Variants in CIBAR1 observed in about 807,000 individuals in gnomAD.
CIBAR1 encodes the protein CBY1-interacting BAR domain-containing protein 1.
A neutral mutation model predicts 44.0 loss-of-function variants in CIBAR1; 25 were observed. The ratio of observed to expected loss-of-function variants is 0.57; its 90% CI spans 0.41 to 0.79. The LOEUF is 0.79. Among genes scored for constraint, CIBAR1 ranks in the 30% least tolerant of loss-of-function variants. The probability of loss-of-function intolerance (pLI) is 0.00; values close to 1 mark genes in which losing one functional copy is unlikely to be tolerated. For synonymous variants in CIBAR1, 115 were observed against 119.0 expected, an observed-to-expected ratio of 0.97 and a Z score of 0.22; for missense variants, 278 against 344.8, an observed-to-expected ratio of 0.81 and a Z score of 1.53.
At chr8:93,707,396 A>T (rs1286146812) in intron 4 of CIBAR1, 1 of 206,466 alleles carries the variant, frequency 4.8e-6, no homozygotes, top group Non-Finnish European at 1.0e-5. Flanking sequence ...CTGTTTCCCC[A>T]TGCTTCCCTG....
intron 5 of CIBAR1, 171 bp from the exon 6 acceptor site, chr8:93,709,600 T>C: frequency 3.4e-6 from 2 of 596,098 alleles, no homozygotes. Context: ...TTCTTTATTC[T>C]GCATGTGCTT....
At chr8:93,707,422 C>T (rs1294443327) in intron 4 of CIBAR1, 7 of 209,592 alleles carry the variant, frequency 3.3e-5, no homozygotes, top group Non-Finnish European at 5.0e-5. Flanking sequence ...GCCAACTCTA[C>T]TTACTCTTCT....
In CIBAR1 at chr8:93,729,525, A is replaced by C. The variant is rs190729154; in HGVS notation, c.*1228A>C. On this transcript the variant is annotated 3_prime_UTR_variant, in exon 9 of 9. Transcript: ENST00000518322. ...TTGAGCATTATTTGCCTTGTTTGTA[A>C]AGTTAAAACTGCGTAAAACAGTAAT... is the stretch of plus-strand genomic sequence containing the variant. 1.8e-4 allele frequency: 27 copies of C among 152,300 alleles called. No individual in the cohort carries two copies. In the East Asian group the frequency reaches 5.2e-3, roughly 29 times the overall value. The allele number at this position is 152,300 out of a possible 1,614,324, so 9.4% of individuals were successfully genotyped here.
chr8:93,706,122 A>T (rs1281255795), intron 4 of CIBAR1: 2 of 152,200 alleles, frequency 1.3e-5, no homozygotes, highest in Non-Finnish European at 2.9e-5. Flanking sequence ...GAACACCTCC[A>T]TTCCTGAGGG....
chr8:93,731,155 G>A lies in CIBAR1; in HGVS notation c.*2858G>A, dbSNP rs1208869188. 1 of 152,144 alleles carries A rather than the reference G, an allele frequency of 6.6e-6. No individual in the cohort carries two copies. The highest frequency in any genetic ancestry group is 2.4e-5 in the African/African-American group (1 of 41,430). 9.4% of individuals were successfully genotyped at this position (152,144 alleles called of 1,614,324 possible). A position where few individuals can be genotyped will look rare whatever the true frequency, so the allele number is the denominator to read the frequency against. On this transcript the variant is annotated 3_prime_UTR_variant, in exon 9 of 9. Coordinates refer to ENST00000518322, the MANE Select transcript of CIBAR1 (RefSeq NM_145269.5). The stretch of plus-strand genomic sequence containing the variant: ...AGCCTGGCCAGCAGAACAAGACTCT[G>A]ACTCTTAAAATAATAAAACTACAAA...
At chr8:93,727,322 T>C (rs779449411) in intron 8 of CIBAR1, 9 of 585,174 alleles carry the variant, frequency 1.5e-5, no homozygotes, top group Non-Finnish European at 2.0e-5. Flanking sequence ...TATGTATCTC[T>C]CCCCCAACCC....
chr8:93,723,769 T>A (rs1314205972), intron 7 of CIBAR1, among the ~76,000 whole-genome samples: 2 of 152,062 alleles, frequency 1.3e-5, no homozygotes, highest in African/African-American at 4.8e-5. Context: ...TAGGTGCTAC[T>A]CAGACAACAG....
intron 7 of CIBAR1, among the ~76,000 whole-genome samples, chr8:93,725,151 T>A (rs1811428726): frequency 6.6e-6 from 1 of 152,082 alleles, no homozygotes; most frequent in South Asian, 2.1e-4. Context: ...CCTGGCTGAT[T>A]GTTTTTTTGT....
rs766225870 is a variant in CIBAR1, at chr8:93,701,308, T to C, written c.111T>C (p.Tyr37=). ...FGELCQIFAA[Y]VRKTARLRDK... is the part of the protein sequence containing the mutation. ...AACTGTGCCAAATCTTCGCTGCCTA[T>C]GTGCGGAAAACTGCCAGGCTGAGAG... Residue 37 remains tyrosine (Y), a synonymous_variant, in exon 2 of 9, where the codon TAT becomes TAC. Transcript: ENST00000518322. 5.6e-6 allele frequency: 9 copies of C among 1,613,892 alleles called. No homozygotes were observed. The East Asian group carries it at 6.7e-5, about 12-fold the overall frequency.
intron 6 of CIBAR1, among the ~76,000 whole-genome samples, chr8:93,710,410 G>A (rs920102341): frequency 6.6e-6 from 1 of 151,932 alleles, no homozygotes; most frequent in African/African-American, 2.4e-5. Context: ...CCAGAAGCCA[G>A]ATATTCAGCT....
Position 93,728,376 on chromosome 8 carries a change from A to G in CIBAR1, c.*79A>G. On this transcript the variant is annotated 3_prime_UTR_variant, in exon 9 of 9. Coordinates refer to ENST00000518322, the MANE Select transcript of CIBAR1 (RefSeq NM_145269.5). The stretch of plus-strand genomic sequence containing the variant: ...TGTAGAACTTTATACTCACTTTGCT[A>G]TGTTAAGCCTCAAAGTGAAGTCCAA... 2.2e-6 allele frequency: 2 copies of G among 919,986 alleles called. No homozygotes were observed. The highest frequency in any genetic ancestry group is 1.6e-6 in the Non-Finnish European group (1 of 621,762). 57.0% of individuals were successfully genotyped at this position (919,986 alleles called of 1,614,324 possible).
At chr8:93,727,774 T>A (rs1301304981) in intron 8 of CIBAR1, among the ~76,000 whole-genome samples, 4 of 152,180 alleles carry the variant, frequency 2.6e-5, no homozygotes, top group African/African-American at 9.6e-5. Context: ...ACTGGTGAAT[T>A]CAGATTCTCA....
At chr8:93,700,987 C>T (rs1810321334) in intron 1 of CIBAR1, 2 of 1,398,356 alleles carry the variant, frequency 1.4e-6, no homozygotes, top group African/African-American at 2.9e-5. Context: ...CCGGAGCAGC[C>T]ACCTCCCCAG....
intron 8 of CIBAR1, among the ~76,000 whole-genome samples, chr8:93,727,904 A>T (rs1586301492): frequency 6.6e-6 from 1 of 152,096 alleles, no homozygotes; most frequent in East Asian, 1.9e-4. Context: ...TCTGTGACCC[A>T]AAATTTATTT....
intron 6 of CIBAR1, among the ~76,000 whole-genome samples, chr8:93,711,213 T>G (rs1810811071): frequency 6.6e-6 from 1 of 152,210 alleles, no homozygotes; most frequent in African/African-American, 2.4e-5. Context: ...CTAAAACTCA[T>G]CTAAGGCTCT....
At position 93,703,635 on chromosome 8, in the gene CIBAR1, G is replaced by A. The variant is rs760968320; in HGVS notation, c.277G>A (p.Ala93Thr). 9.7e-6 allele frequency: 15 copies of A among 1,547,508 alleles called. No individual in the cohort carries two copies. Among genetic ancestry groups the A allele is most frequent in the Non-Finnish European group, 1.3e-5 (15 of 1,145,036 alleles). The change falls in exon 3 of 9, where the codon GCC (alanine) becomes ACC (threonine). Residue 93 changes from alanine (A) to threonine (T), a missense_variant. By Grantham distance (58) the Ala-to-Thr change is moderately conservative (BLOSUM62 0). Coordinates refer to ENST00000518322, the MANE Select transcript of CIBAR1 (RefSeq NM_145269.5). ...TTTTCAATAGGTTGAAAGACTTGAAGCCAAAGTAGTTGAACCCTTGAAAAC... is the reference window on the plus strand; with the variant it reads ...TTTTCAATAGGTTGAAAGACTTGAAACCAAAGTAGTTGAACCCTTGAAAAC... Reference protein sequence around the residue: ...YRQAEVERLEAKVVEPLKTYG... With the variant: ...YRQAEVERLETKVVEPLKTYG...
chr8:93,708,971 A>C lies in CIBAR1; in HGVS notation c.439-800A>C, dbSNP rs553279746. Among the ~76,000 whole-genome samples the C allele has an allele frequency of 2.3e-4, 35 of 152,298 alleles. No homozygotes were observed. The South Asian group carries it at 6.2e-3, about 27-fold the overall frequency. On this transcript the variant is annotated intron_variant, in intron 5 of 8. Coordinates refer to ENST00000518322, the MANE Select transcript of CIBAR1 (RefSeq NM_145269.5). ...GTAATCCATACAATAGTCCTATGAG[A>C]TAAGCATAAAGAGTAAGAGATAATA...
chr8:93,712,672 G>A (rs1810870178), intron 6 of CIBAR1, among the ~76,000 whole-genome samples: 1 of 152,160 alleles, frequency 6.6e-6, no homozygotes, highest in Non-Finnish European at 1.5e-5. Flanking sequence ...GTATATGAGA[G>A]TTACAACTTC....
chr8:93,714,705 A>C (rs565063940), intron 6 of CIBAR1, among the ~76,000 whole-genome samples: 1 of 151,966 alleles, frequency 6.6e-6, no homozygotes, highest in South Asian at 2.1e-4. Context: ...GCTTGTCTCA[A>C]ACTCCTGGGC....
Sources: gnomAD v4.1 joint callset for allele counts (sites outside exome capture counted in the v4.1 genomes callset) on GRCh38, gnomAD v4.1.1 for gene constraint, MANE v1.5 for transcripts, NCBI Gene and HGNC (gene_info 2026-07-23, HGNC 2026-07-21) for gene names.